Variants in YIPF1 observed in about 807,000 individuals in gnomAD.
YIPF1 encodes protein YIPF1.
In YIPF1, 22 loss-of-function variants were observed where a neutral mutation model predicts 37.0. That is an observed-to-expected ratio of 0.59 (90% CI 0.42 to 0.85). YIPF1 has a LOEUF of 0.85. YIPF1 is among the 40% of genes least tolerant of loss of function. The pLI is 0.00. For missense variants in YIPF1, 355 were observed against 373.1 expected (o/e 0.95, Z 0.40); for synonymous variants, 128 against 131.9 (o/e 0.97, Z 0.21).
At chr1:53,877,597 A>G (rs1364318194) in intron 6 of YIPF1, among the ~76,000 whole-genome samples, 1 of 152,120 alleles carries the variant, frequency 6.6e-6, no homozygotes, top group Non-Finnish European at 1.5e-5. Context: ...AGGGATGACA[A>G]CAATCCCCGG....
chr1:53,864,150 CCTT>C (rs967559356), intron 9 of YIPF1, among the ~76,000 whole-genome samples: 2 of 152,218 alleles, frequency 1.3e-5, no homozygotes, highest in Non-Finnish European at 2.9e-5. Flanking sequence ...TCTCCTGCCT[CCTT>C]CTCCTCACCA....
chr1:53,861,017 G>C (rs1649857311), intron 9 of YIPF1, among the ~76,000 whole-genome samples: 1 of 152,300 alleles, frequency 6.6e-6, no homozygotes, highest in Admixed American at 6.5e-5. Context: ...AAGGTACACT[G>C]TTGGAAAGCC....
intron 9 of YIPF1, 109 bp downstream of exon 9, chr1:53,866,091 T>G (rs1433758288): frequency 7.2e-7 from 1 of 1,395,872 alleles, no homozygotes; most frequent in Non-Finnish European, 9.7e-7. Flanking sequence ...TGAGCCAACA[T>G]GCCCAGCCCA....
intron 6 of YIPF1, among the ~76,000 whole-genome samples, chr1:53,875,418 G>T (rs71637822): frequency 6.6e-6 from 1 of 152,156 alleles, no homozygotes; most frequent in Non-Finnish European, 1.5e-5. Context: ...ATGAAGATGA[G>T]GTGGGGGAGG....
chr1:53,869,344 G>GTT (rs1159024787), intron 7 of YIPF1, among the ~76,000 whole-genome samples: 1 of 151,862 alleles, frequency 6.6e-6, no homozygotes, highest in Non-Finnish European at 1.5e-5. Flanking sequence ...GTGTGTGTGT[G>GTT]TGTATAGTAA....
At chr1:53,870,347 GT>G (rs1650152861) in intron 7 of YIPF1, among the ~76,000 whole-genome samples, 1 of 148,906 alleles carries the variant, frequency 6.7e-6, no homozygotes, top group Non-Finnish European at 1.5e-5. Flanking sequence ...CTTTTTTTTA[GT>G]TTTTAGTTTT....
At chr1:53,858,538 T>A (rs1649783078) in intron 10 of YIPF1, among the ~76,000 whole-genome samples, 1 of 152,152 alleles carries the variant, frequency 6.6e-6, no homozygotes, top group Admixed American at 6.5e-5. Context: ...TCTTATATAG[T>A]TTGTGTCATT....
chr1:53,860,021 G>T, intron 10 of YIPF1, 35 bp downstream of exon 10: 2 of 1,602,500 alleles, frequency 1.2e-6, no homozygotes, highest in Non-Finnish European at 8.5e-7. Flanking sequence ...ATGTTTTATG[G>T]CACCACACAG....
intron 3 of YIPF1, among the ~76,000 whole-genome samples, chr1:53,888,222 T>C (rs1163145967): frequency 1.3e-5 from 2 of 151,616 alleles, no homozygotes; most frequent in African/African-American, 2.4e-5. Context: ...TGAGACTCCA[T>C]CAAAAGAAAC....
intron 4 of YIPF1, among the ~76,000 whole-genome samples, chr1:53,880,698 T>C (rs1009258369): frequency 8.5e-5 from 13 of 152,188 alleles, no homozygotes; most frequent in African/African-American, 3.1e-4. Context: ...AGCATGGTAC[T>C]GGTACAAGAA....
In YIPF1 at chr1:53,878,305, C is replaced by G; in HGVS notation, c.364+10G>C. The G allele has an allele frequency of 6.2e-7, 1 of 1,613,326 alleles. No individual in the cohort carries two copies. Among genetic ancestry groups the G allele is most frequent in the Non-Finnish European group, 8.5e-7 (1 of 1,179,694 alleles). On this transcript the variant is annotated intron_variant, in intron 6 of 10. Transcript: ENST00000072644. ...CTGAAATACGGTAAACAAATCAGTA[C>G]TAAACATACCATAGAGATCTGGATT... is the stretch of plus-strand genomic sequence containing the variant.
chr1:53,879,636 G>A (rs769478013), intron 4 of YIPF1, among the ~76,000 whole-genome samples: 11 of 152,178 alleles, frequency 7.2e-5, no homozygotes, highest in Non-Finnish European at 1.3e-4. Context: ...TCAGATATCC[G>A]AAGGGAATTC....
At chr1:53,874,084 C>G (rs930081137) in intron 6 of YIPF1, among the ~76,000 whole-genome samples, 1 of 152,106 alleles carries the variant, frequency 6.6e-6, no homozygotes, top group Non-Finnish European at 1.5e-5. Context: ...ATTTTTGTCC[C>G]TCTCCTATTA....
intron 6 of YIPF1, among the ~76,000 whole-genome samples, chr1:53,874,379 C>G (rs1318071195): frequency 6.6e-6 from 1 of 152,140 alleles, no homozygotes; most frequent in African/African-American, 2.4e-5. Flanking sequence ...ATTAAAATTT[C>G]ATATTATGCA....
intron 7 of YIPF1, among the ~76,000 whole-genome samples, chr1:53,869,872 C>CTTTT (rs11304446): frequency 7.9e-6 from 1 of 125,892 alleles, no homozygotes; most frequent in Non-Finnish European, 1.7e-5. Flanking sequence ...TTTCTCCCCG[C>CTTTT]TTTTTTTTTT....
chr1:53,871,377 CGGAATTCGGGCACATAAT>C lies in YIPF1; in HGVS notation c.458_475del (p.His153_Phe158del). On this transcript the variant is annotated inframe_deletion, in exon 7 of 11. Transcript: ENST00000072644. ...GAGTCAAGCTATTCACCAACCTTTT[CGGAATTCGGGCACATAAT>C]GGTACGTCTTCTCTCCCAGATGGAT... 1 of 1,613,048 alleles carries C rather than the reference CGGAATTCGGGCACATAAT, an allele frequency of 6.2e-7. No homozygotes were observed.
chr1:53,871,151 T>G lies in YIPF1; in HGVS notation c.481+221A>C, dbSNP rs1569628045. Among the ~76,000 whole-genome samples, 3 of 152,200 alleles carry G rather than the reference T, an allele frequency of 2.0e-5. No homozygotes were observed. In the East Asian group the frequency reaches 5.8e-4, roughly 29 times the overall value. On this transcript the variant is annotated intron_variant, in intron 7 of 10. Transcript: ENST00000072644. The stretch of plus-strand genomic sequence containing the variant: ...TTGAATTACACATTTAAATGGTAAA[T>G]TTTATGTAATATATATTTTACCACT...
At chr1:53,855,055 A>G (rs1462063802) in intron 10 of YIPF1, 1 of 151,596 alleles carries the variant, frequency 6.6e-6, no homozygotes, top group Non-Finnish European at 1.5e-5. Context: ...GTGAGTCCTG[A>G]AAAATAAACA....
At chr1:53,888,342 G>A (rs1330380866) in intron 3 of YIPF1, among the ~76,000 whole-genome samples, 1 of 152,142 alleles carries the variant, frequency 6.6e-6, no homozygotes, top group Non-Finnish European at 1.5e-5. Context: ...TAGTTTGTAG[G>A]TATATATTTA....
Sources: gnomAD v4.1 joint callset for allele counts (sites outside exome capture counted in the v4.1 genomes callset) on GRCh38, gnomAD v4.1.1 for gene constraint, MANE v1.5 for transcripts, NCBI Gene and HGNC (gene_info 2026-07-23, HGNC 2026-07-21) for gene names.